Variants in NEB observed in about 807,000 individuals in gnomAD.
NEB encodes nebulin, also known as nemaline myopathy type 2.
A neutral mutation model predicts 952.2 loss-of-function variants in NEB; 512 were observed. The ratio of observed to expected loss-of-function variants is 0.54; its 90% CI spans 0.50 to 0.58. The LOEUF (loss-of-function observed/expected upper bound fraction) is 0.58, where lower values mean the gene tolerates loss of function less well. Ranked by LOEUF, NEB falls within the 20% of genes least tolerant of loss-of-function variation. The probability of loss-of-function intolerance (pLI) is 0.00; values close to 1 mark genes in which losing one functional copy is unlikely to be tolerated. For synonymous variants in NEB, 2,900 were observed against 3,149.8 expected, an observed-to-expected ratio of 0.92 and a Z score of 2.66; for missense variants, 8,428 against 9,231.1, an observed-to-expected ratio of 0.91 and a Z score of 3.56.
chr2:151,627,014 G>C lies in NEB; in HGVS notation c.10335C>G (p.Leu3445=), dbSNP rs188127282. 45 of 1,613,886 alleles carry C rather than the reference G, an allele frequency of 2.8e-5. No homozygotes were observed. In the East Asian group the frequency reaches 9.8e-4, roughly 35 times the overall value. Residue 3445 remains leucine (L), a synonymous_variant, in exon 70 of 182, where the codon CTC becomes CTG. Coordinates refer to ENST00000397345, the MANE Select transcript of NEB (RefSeq NM_001164508.2). ...ATTGGGGGCTCACCTTGTTCATATT[G>C]AGAGCATTGTTCTTGGCCAGCACCT... is the stretch of plus-strand genomic sequence containing the variant. ...LEQVLAKNNA[L]NMNKRLYTEA...
intron 60 of NEB, among the ~76,000 whole-genome samples, chr2:151,641,324 T>G (rs1489014033): frequency 6.6e-6 from 1 of 152,266 alleles, no homozygotes; most frequent in Non-Finnish European, 1.5e-5. Context: ...ATGACTGTTT[T>G]TTTTGTTTTG....
chr2:151,612,353 T>C lies in NEB; in HGVS notation c.11638A>G (p.Ile3880Val), dbSNP rs1319216791. 6.2e-7 allele frequency: 1 copy of C among 1,613,842 alleles called. No individual in the cohort carries two copies. Among genetic ancestry groups the C allele is most frequent in the Non-Finnish European group, 8.5e-7 (1 of 1,179,812 alleles). ...YKSDLEWLRG[I>V]GWVPIGSVEV... ...ACAGAGCCAATGGGAACCCATCCTA[T>C]GCCTCTCAGCCACTCAAGATCAGAT... The change falls in exon 78 of 182, where the codon ATA becomes GTA. Residue 3880 changes from isoleucine (I) to valine (V), a missense_variant. By Grantham distance (29) the Ile-to-Val change is conservative (BLOSUM62 3). This residue lies in a region of NEB where 337 missense variants were observed against 297.5 expected (regional missense o/e 1.13). Coordinates refer to ENST00000397345, the MANE Select transcript of NEB (RefSeq NM_001164508.2).
chr2:151,731,317 T>C (rs1329698202), intron 3 of NEB, among the ~76,000 whole-genome samples: 3 of 152,226 alleles, frequency 2.0e-5, no homozygotes, highest in Admixed American at 1.3e-4. Context: ...AATTAGATAG[T>C]GCATCCTTGC....
At chr2:151,657,395 T>C (rs891882063) in intron 48 of NEB, among the ~76,000 whole-genome samples, 1 of 152,190 alleles carries the variant, frequency 6.6e-6, no homozygotes, top group Non-Finnish European at 1.5e-5. Context: ...TTGAGTTTCA[T>C]ATAGGTGGCA....
At chr2:151,631,044 C>A in intron 66 of NEB, 99 bp downstream of exon 66, 1 of 1,461,176 alleles carries the variant, frequency 6.8e-7, no homozygotes, top group South Asian at 1.3e-5. Flanking sequence ...GGTAAAAATG[C>A]GACCCCACGC....
chr2:151,549,785 G>C (rs769983318), intron 129 of NEB, 45 bp from the exon 130 acceptor site: 1 of 1,153,540 alleles, frequency 8.7e-7, no homozygotes, highest in Non-Finnish European at 1.3e-6. Context: ...CGGGCATCAA[G>C]TAACTGATCT....
intron 9 of NEB, 101 bp from the exon 10 acceptor site, chr2:151,717,621 A>G: frequency 3.5e-6 from 3 of 869,206 alleles, no homozygotes; most frequent in South Asian, 1.5e-5. Context: ...TTTGTCCTAG[A>G]TGTTACATAC....
intron 105 of NEB, 105 bp from the exon 106 acceptor site, chr2:151,576,459 A>AC: frequency 3.9e-6 from 1 of 253,740 alleles, no homozygotes; most frequent in Non-Finnish European, 7.5e-6. Context: ...TTATATATAC[A>AC]ACATAAAATA....
intron 128 of NEB, among the ~76,000 whole-genome samples, chr2:151,552,212 C>T (rs767717397): frequency 2.6e-5 from 4 of 152,160 alleles, no homozygotes; most frequent in East Asian, 1.9e-4. Flanking sequence ...TGCTTCCTTA[C>T]GTCCCCATTT....
intron 39 of NEB, among the ~76,000 whole-genome samples, chr2:151,668,801 T>C (rs2099251285): frequency 6.6e-6 from 1 of 152,140 alleles, no homozygotes; most frequent in South Asian, 2.1e-4. Context: ...CTTACTTGAC[T>C]GACTTTACAA....
chr2:151,524,759 C>T (rs1266093452), intron 151 of NEB, 143 bp from the exon 152 acceptor site: 17 of 699,324 alleles, frequency 2.4e-5, no homozygotes, highest in East Asian at 1.7e-4. Flanking sequence ...TTCTGTCTCC[C>T]GGATTCAAGT....
chr2:151,529,218 T>G lies in NEB; in HGVS notation c.21727A>C (p.Asn7243His), dbSNP rs1409466233. The G allele has an allele frequency of 6.2e-7, 1 of 1,609,304 alleles. No homozygotes were observed. The highest frequency in any genetic ancestry group is 1.7e-5 in the Admixed American group (1 of 60,000). Residue 7243 changes from asparagine to histidine, a missense_variant, in exon 146 of 182, where the codon AAC becomes CAC. Physicochemically the swap from Asn to His is moderately conservative, Grantham distance 68. This residue lies in a region of NEB where 3,374 missense variants were observed against 3,651.5 expected (regional missense o/e 0.92). Coordinates refer to ENST00000397345, the MANE Select transcript of NEB (RefSeq NM_001164508.2). Reference sequence around the variant, plus strand: ...AAGTTTCTGGAACTTACATTGGTGTTGACTTTGTAGGCGTCCTTGGCTGCT... The same window carrying G: ...AAGTTTCTGGAACTTACATTGGTGTGGACTTTGTAGGCGTCCTTGGCTGCT... ...IKAAKDAYKV[N>H]TNLDYKKQYE...
chr2:151,505,414 G>A (rs527330600), intron 165 of NEB, 64 bp downstream of exon 165: 20 of 1,333,142 alleles, frequency 1.5e-5, no homozygotes, highest in East Asian at 4.6e-5. Flanking sequence ...AGATGAGAGA[G>A]CACCAGGGTA....
chr2:151,573,711 T>C (rs2096726971), intron 107 of NEB, among the ~76,000 whole-genome samples: 1 of 152,202 alleles, frequency 6.6e-6, no homozygotes, highest in African/African-American at 2.4e-5. Context: ...CTTGGCAAAT[T>C]GCACTAAGGT....
chr2:151,679,238 A>T (rs1048186561), intron 32 of NEB, among the ~76,000 whole-genome samples: 12 of 152,336 alleles, frequency 7.9e-5, no homozygotes, highest in Non-Finnish European at 1.8e-4. Context: ...GATAAATAGG[A>T]TAAGAAATAA....
At chr2:151,731,412 T>C (rs1265468915) in intron 3 of NEB, among the ~76,000 whole-genome samples, 1 of 152,226 alleles carries the variant, frequency 6.6e-6, no homozygotes, top group African/African-American at 2.4e-5. Context: ...CAAGGAGATA[T>C]ATTTTTAAAG....
intron 156 of NEB, among the ~76,000 whole-genome samples, chr2:151,517,144 T>TA (rs1306599666): frequency 1.3e-5 from 2 of 152,284 alleles, no homozygotes; most frequent in Non-Finnish European, 2.9e-5. Flanking sequence ...ACTGACTTGT[T>TA]AAAAAACCTG....
chr2:151,691,738 A>G, intron 23 of NEB, 126 bp downstream of exon 23: 2 of 799,810 alleles, frequency 2.5e-6, no homozygotes, highest in Non-Finnish European at 4.1e-6. Flanking sequence ...CCCCAAAACC[A>G]AAATGTAAAA....
intron 105 of NEB, among the ~76,000 whole-genome samples, chr2:151,578,634 C>A (rs1243591940): frequency 6.9e-6 from 1 of 145,240 alleles, no homozygotes; most frequent in Non-Finnish European, 1.5e-5. Flanking sequence ...GGCCACAGGG[C>A]AAGGGAAGGA....
Sources: allele counts gnomAD v4.1 joint callset (sites outside exome capture counted in the v4.1 genomes callset), GRCh38; gene constraint gnomAD v4.1.1; regional missense constraint gnomAD v4.1.1; transcripts MANE v1.5; gene names NCBI Gene and HGNC (gene_info 2026-07-23, HGNC 2026-07-21).